Variants in FMN1 observed in about 807,000 individuals in gnomAD.
FMN1 encodes the protein formin 1.
In FMN1, 110 loss-of-function variants were observed where a neutral mutation model predicts 132.4. That is an observed-to-expected ratio of 0.83 (90% CI 0.71 to 0.97). FMN1 has a LOEUF of 0.97. Among genes scored for constraint, FMN1 ranks in the 50% least tolerant of loss-of-function variants. FMN1 has a pLI of 0.00. For missense variants in FMN1, 1,792 were observed against 1,705.3 expected (o/e 1.05, Z -0.90); for synonymous variants, 722 against 651.7 (o/e 1.11, Z -1.64).
intron 8 of FMN1, among the ~76,000 whole-genome samples, chr15:32,967,679 G>A (rs549137483): frequency 1.3e-5 from 2 of 152,216 alleles, no homozygotes; most frequent in African/African-American, 4.8e-5. Context: ...CTTATTTTTT[G>A]GTGAGAGGAA....
intron 4 of FMN1, among the ~76,000 whole-genome samples, chr15:33,112,552 G>A (rs1201261880): frequency 1.3e-5 from 2 of 152,136 alleles, no homozygotes; most frequent in African/African-American, 4.8e-5. Context: ...AAGAATTTCA[G>A]GCACTAGTGC....
rs184370362 is a variant in FMN1, at chr15:33,160,153, T to A, written c.-131-5108A>T. Among the ~76,000 whole-genome samples, 197 of 152,162 alleles carry A rather than the reference T, an allele frequency of 1.3e-3. 1 individual carries two copies. Among genetic ancestry groups the A allele is most frequent in the African/African-American group, 4.5e-3 (188 of 41,498 alleles). On this transcript the variant is annotated intron_variant, in intron 3 of 20. Transcript: ENST00000616417. ...TTAACCCCAGCCTGTGGATTGTGGATCTGAACTTAAACACCATACGAAGGG... is the reference window on the plus strand; with the variant it reads ...TTAACCCCAGCCTGTGGATTGTGGAACTGAACTTAAACACCATACGAAGGG...
intron 19 of FMN1, among the ~76,000 whole-genome samples, chr15:32,786,714 T>C (rs1369829844): frequency 6.6e-6 from 1 of 152,198 alleles, no homozygotes; most frequent in Admixed American, 6.5e-5. Flanking sequence ...TTTTGATCTT[T>C]TTCTCATTAG....
At chr15:33,141,709 G>A (rs185081810) in intron 4 of FMN1, among the ~76,000 whole-genome samples, 3 of 152,310 alleles carry the variant, frequency 2.0e-5, no homozygotes, top group East Asian at 3.9e-4. Context: ...GGTCAGGCCT[G>A]CGCTTGAGAA....
chr15:32,789,445 A>G (rs1368141314), intron 19 of FMN1, among the ~76,000 whole-genome samples: 1 of 152,210 alleles, frequency 6.6e-6, no homozygotes. Flanking sequence ...TAAATATTAT[A>G]GTAGTTTTAA....
Position 32,968,920 on chromosome 15 carries a change from T to A in FMN1, c.2781A>T (p.Pro927=), listed in dbSNP as rs780894630. The change falls in exon 8 of 21, where the codon CCA becomes CCT. Residue 927 remains proline (P), a synonymous_variant. Coordinates refer to ENST00000616417, the MANE Select transcript of FMN1 (RefSeq NM_001277313.2). ...GGGCAGGGGAGTTAGGAAGTGGGGG[T>A]GGGGGTGGGGGTGGTGGAGGTCCAG... ...SSAGPPPPPP[P]PPLPNSPAPP... 4.2e-5 allele frequency: 3 copies of A among 70,706 alleles called. No homozygotes were observed. Among genetic ancestry groups the A allele is most frequent in the African/African-American group, 3.3e-4 (1 of 3,012 alleles). 4.4% of individuals were successfully genotyped at this position (70,706 alleles called of 1,614,324 possible). A position where few individuals can be genotyped will look rare whatever the true frequency, so the allele number is the denominator to read the frequency against.
At chr15:33,155,127 A>T (rs906906605) in intron 3 of FMN1, 82 bp from the exon 4 acceptor site, 1 of 507,362 alleles carries the variant, frequency 2.0e-6, no homozygotes, top group Admixed American at 3.5e-5. Flanking sequence ...AAGCATAACC[A>T]TGACTTATCC....
intron 4 of FMN1, among the ~76,000 whole-genome samples, chr15:33,116,027 T>C (rs151038973): frequency 6.6e-6 from 1 of 152,286 alleles, no homozygotes; most frequent in African/African-American, 2.4e-5. Flanking sequence ...GAATGGGGAC[T>C]GTAATCACTC....
intron 2 of FMN1, among the ~76,000 whole-genome samples, chr15:33,187,476 C>T (rs1030064611): frequency 5.3e-5 from 8 of 152,200 alleles, no homozygotes; most frequent in African/African-American, 1.9e-4. Flanking sequence ...CACCCAGGCC[C>T]TACTTCCTGG....
intron 4 of FMN1, among the ~76,000 whole-genome samples, chr15:33,128,230 A>C (rs893077956): frequency 1.4e-4 from 21 of 151,920 alleles, no homozygotes; most frequent in African/African-American, 4.6e-4. Flanking sequence ...CGAGCAACCA[A>C]AGACCATAAT....
intron 2 of FMN1, among the ~76,000 whole-genome samples, chr15:33,188,272 A>C (rs949651944): frequency 6.6e-5 from 10 of 152,218 alleles, no homozygotes; most frequent in Non-Finnish European, 1.2e-4. Context: ...CCCAGGAGGC[A>C]GAGGTTGCGT....
intron 15 of FMN1, among the ~76,000 whole-genome samples, chr15:32,891,535 A>G (rs1323898774): frequency 1.3e-5 from 2 of 152,172 alleles, no homozygotes; most frequent in Non-Finnish European, 2.9e-5. Flanking sequence ...TGTCCAGCCT[A>G]GAGTTGTTTT....
chr15:33,076,231 T>C (rs1423160693), intron 5 of FMN1, among the ~76,000 whole-genome samples: 1 of 152,154 alleles, frequency 6.6e-6, no homozygotes, highest in Admixed American at 6.5e-5. Context: ...ATATGGCTAA[T>C]GACAGCAGAA....
chr15:32,932,494 C>CAA (rs2061146910), intron 9 of FMN1, among the ~76,000 whole-genome samples: 1 of 152,184 alleles, frequency 6.6e-6, no homozygotes, highest in Admixed American at 6.5e-5. Context: ...GCTTTGGTAT[C>CAA]AGAGTAATGC....
At chr15:32,794,687 G>T (rs2057218994) in intron 19 of FMN1, among the ~76,000 whole-genome samples, 2 of 152,150 alleles carry the variant, frequency 1.3e-5, no homozygotes. Context: ...TGATTTAACA[G>T]GTGGAAGAAA....
At chr15:33,136,907 G>T (rs932773753) in intron 4 of FMN1, among the ~76,000 whole-genome samples, 2 of 151,876 alleles carry the variant, frequency 1.3e-5, no homozygotes, top group African/African-American at 4.8e-5. Context: ...GGCCAACATG[G>T]TGAAACCCTG....
rs574082687 is a variant in FMN1 at position 33,011,021 on chromosome 15, T to C, written c.2162-2946A>G. 4.7e-4 allele frequency among the ~76,000 whole-genome samples: 72 copies of C among 152,042 alleles called. 1 individual carries two copies. The highest frequency in any genetic ancestry group is 3.4e-3 in the Middle Eastern group (1 of 294). ...ATTCCTTCAAAATTTGAGTTTTGTT[T>C]TGTTTGAATATAAGGAGCCCATTCT... On this transcript the variant is annotated intron_variant, in intron 6 of 20. Coordinates refer to ENST00000616417, the MANE Select transcript of FMN1 (RefSeq NM_001277313.2).
chr15:33,080,959 G>C (rs1440276637), intron 5 of FMN1, among the ~76,000 whole-genome samples: 1 of 151,972 alleles, frequency 6.6e-6, no homozygotes, highest in Non-Finnish European at 1.5e-5. Context: ...CCCCCACCCG[G>C]AGCTTGCTTC....
chr15:33,187,579 T>C (rs1190290464), intron 2 of FMN1, among the ~76,000 whole-genome samples: 6 of 152,138 alleles, frequency 3.9e-5, no homozygotes, highest in East Asian at 1.9e-4. Flanking sequence ...AAGAATTCTG[T>C]GGGTCAAGCT....
Sources: gnomAD v4.1 joint callset for allele counts (sites outside exome capture counted in the v4.1 genomes callset) on GRCh38, gnomAD v4.1.1 for gene constraint, MANE v1.5 for transcripts, NCBI Gene and HGNC (gene_info 2026-07-23, HGNC 2026-07-21) for gene names.